ZNF326: variants seen among roughly 807,000 people sequenced by gnomAD.
ZNF326 encodes DBIRD complex subunit ZNF326.
Under a neutral mutation model 63.1 loss-of-function variants are expected in ZNF326, and 30 were observed. That is an observed-to-expected ratio of 0.48 (90% CI 0.36 to 0.64). The LOEUF (loss-of-function observed/expected upper bound fraction) is 0.64, where lower values mean the gene tolerates loss of function less well. ZNF326 is among the 30% of genes least tolerant of loss of function. The probability of loss-of-function intolerance (pLI) is 0.00; values close to 1 mark genes in which losing one functional copy is unlikely to be tolerated. For missense variants in ZNF326, 609 were observed against 720.3 expected, an observed-to-expected ratio of 0.85 and a Z score of 1.77; for synonymous variants, 194 against 228.2, an observed-to-expected ratio of 0.85 and a Z score of 1.35.
Position 89,995,286 on chromosome 1 carries a change from T to G in ZNF326, c.16+13T>G. On this transcript the variant is annotated intron_variant, in intron 1 of 11. Transcript: ENST00000340281. The stretch of plus-strand genomic sequence containing the variant: ...GACTTCGAGGACGGTAAGCGCTGCC[T>G]CTGGCTGGTCGGCGCAGCTGGCAGG... The G allele has an allele frequency of 6.5e-7, 1 of 1,549,318 alleles. No individual in the cohort carries two copies. The highest frequency in any genetic ancestry group is 1.2e-5 in the South Asian group (1 of 83,534).
chr1:89,995,418 G>C (rs755701367), intron 1 of ZNF326, 145 bp downstream of exon 1: 1 of 1,160,998 alleles, frequency 8.6e-7, no homozygotes, highest in African/African-American at 1.6e-5. Context: ...CCAGCGCCCG[G>C]AGTCGGCCTC....
At position 90,033,294 on chromosome 1, in the gene ZNF326, G is replaced by A. The variant is rs536348069; in HGVS notation, c.*5593G>A. On this transcript the variant is annotated 3_prime_UTR_variant, in exon 12 of 12. Transcript: ENST00000340281. ...TTTGTTGACTCCTAGGCTCTCATTT[G>A]CAAGTAGACAAATGAGAAACAGCAA... 72 of 152,128 alleles carry A rather than the reference G, an allele frequency of 4.7e-4. No individual in the cohort carries two copies. Among genetic ancestry groups the A allele is most frequent in the African/African-American group, 1.7e-3 (69 of 41,494 alleles). 9.4% of individuals were successfully genotyped at this position (152,128 alleles called of 1,614,324 possible). A position where few individuals can be genotyped will look rare whatever the true frequency, so the allele number is the denominator to read the frequency against.
rs1262130045 is a variant in ZNF326, at chr1:90,029,542, A to C, written c.*1841A>C. ...CTTTATTTTTAAAAATATTTGTGGA[A>C]GGGCTAAGGTAAAAGAATAATAAAT... On this transcript the variant is annotated 3_prime_UTR_variant, in exon 12 of 12. Transcript: ENST00000340281. 2.0e-5 allele frequency: 3 copies of C among 152,144 alleles called. No individual in the cohort carries two copies. Among genetic ancestry groups the C allele is most frequent in the Non-Finnish European group, 2.9e-5 (2 of 68,010 alleles). 9.4% of individuals were successfully genotyped at this position (152,144 alleles called of 1,614,324 possible). A position where few individuals can be genotyped will look rare whatever the true frequency, so the allele number is the denominator to read the frequency against.
rs1333760755 is a variant in ZNF326 at position 90,027,669 on chromosome 1, G to A, written c.1717G>A (p.Asp573Asn). 1.9e-6 allele frequency: 3 copies of A among 1,613,882 alleles called. No individual in the cohort carries two copies. The highest frequency in any genetic ancestry group is 2.7e-5 in the African/African-American group (2 of 74,892). Residue 573 changes from aspartate to asparagine, a missense_variant, in exon 12 of 12, where the codon GAC becomes AAC. Around this residue, in one of 3 missense-constraint regions of ZNF326, gnomAD observed 399 missense variants for 444.3 expected, o/e 0.90. Transcript: ENST00000340281. Reference protein sequence around the residue: ...EEETAKEEPADFPVEQPEEN With the variant: ...EEETAKEEPANFPVEQPEEN The stretch of plus-strand genomic sequence containing the variant: ...AGAGACAGCAAAGGAAGAACCTGCT[G>A]ACTTCCCTGTTGAGCAACCTGAAGA...
Position 90,029,643 on chromosome 1 carries a change from CTGAT to C in ZNF326, c.*1946_*1949del, listed in dbSNP as rs1442551029. On this transcript the variant is annotated 3_prime_UTR_variant, in exon 12 of 12. Coordinates refer to ENST00000340281, the MANE Select transcript of ZNF326 (RefSeq NM_182976.4). ...TTTTTAAAACAATGTCTCTGGTAGT[CTGAT>C]TGAGATATGAAACTTTTGGGAAGAA... 2 of 151,864 alleles carry C rather than the reference CTGAT, an allele frequency of 1.3e-5. No individual in the cohort carries two copies. Among genetic ancestry groups the C allele is most frequent in the Non-Finnish European group, 2.9e-5 (2 of 67,994 alleles). The allele number at this position is 151,864 out of a possible 1,614,324, so 9.4% of individuals were successfully genotyped here.
chr1:90,011,389 A>T (rs1649224505), intron 6 of ZNF326, among the ~76,000 whole-genome samples: 2 of 152,184 alleles, frequency 1.3e-5, no homozygotes, highest in South Asian at 4.1e-4. Context: ...AACATGTCAT[A>T]GTTTTAGCAT....
intron 6 of ZNF326, among the ~76,000 whole-genome samples, chr1:90,011,972 G>T (rs1390002460): frequency 2.0e-5 from 3 of 152,096 alleles, no homozygotes; most frequent in Admixed American, 1.3e-4. Flanking sequence ...GAGTAGCTGG[G>T]ACTACAGATG....
intron 1 of ZNF326, among the ~76,000 whole-genome samples, chr1:89,996,351 C>T (rs1648374453): frequency 6.6e-6 from 1 of 152,180 alleles, no homozygotes; most frequent in South Asian, 2.1e-4. Flanking sequence ...GTGATCTCAG[C>T]ATATGTCTTA....
intron 11 of ZNF326, among the ~76,000 whole-genome samples, chr1:90,026,411 G>A (rs976402489): frequency 5.3e-5 from 8 of 152,178 alleles, no homozygotes; most frequent in East Asian, 3.9e-4. Context: ...CAGGCAATTC[G>A]TAAATGTAAA....
chr1:90,024,051 A>G (rs1649894222), intron 11 of ZNF326, among the ~76,000 whole-genome samples: 1 of 152,160 alleles, frequency 6.6e-6, no homozygotes, highest in African/African-American at 2.4e-5. Context: ...ACATTACTCA[A>G]TGATGGCCCT....
chr1:89,998,023 T>G, intron 1 of ZNF326, 87 bp from the exon 2 acceptor site: 1 of 1,210,078 alleles, frequency 8.3e-7, no homozygotes, highest in Non-Finnish European at 1.2e-6. Context: ...TTTTAAAAAT[T>G]GTGCTTGTTT....
intron 7 of ZNF326, among the ~76,000 whole-genome samples, chr1:90,014,763 C>T (rs1649420058): frequency 6.6e-6 from 1 of 152,154 alleles, no homozygotes. Context: ...CTTGTGAGTT[C>T]TCTGTCCCAT....
intron 11 of ZNF326, among the ~76,000 whole-genome samples, chr1:90,026,316 A>G (rs952223014): frequency 1.3e-5 from 2 of 152,008 alleles, no homozygotes; most frequent in Admixed American, 6.6e-5. Context: ...TTTTTATTGC[A>G]GCCCTTTTTT....
Sources: allele counts gnomAD v4.1 joint callset (sites outside exome capture counted in the v4.1 genomes callset), GRCh38; gene constraint gnomAD v4.1.1; regional missense constraint gnomAD v4.1.1; transcripts MANE v1.5; gene names NCBI Gene and HGNC (gene_info 2026-07-23, HGNC 2026-07-21).